The following OSBPL1A variants were observed in gnomAD, a reference collection of about 807,000 sequenced individuals.
The protein encoded by OSBPL1A is oxysterol binding protein like 1A.
Under a neutral mutation model 137.1 loss-of-function variants are expected in OSBPL1A, and 80 were observed. The observed-to-expected ratio is 0.58, with a 90% CI of 0.49 to 0.70. OSBPL1A has a LOEUF of 0.70. Ranked by LOEUF, OSBPL1A falls within the 30% of genes least tolerant of loss-of-function variation. The pLI is 0.00. For synonymous variants in OSBPL1A, 365 were observed against 389.7 expected (o/e 0.94, Z 0.75); for missense variants, 970 against 1,129.4 (o/e 0.86, Z 2.02).
intron 14 of OSBPL1A, 77 bp downstream of exon 14, chr18:24,303,560 T>C: frequency 8.5e-7 from 1 of 1,173,504 alleles, no homozygotes; most frequent in Non-Finnish European, 1.2e-6. Flanking sequence ...TGTTTAAAAA[T>C]GAAGTCAAAC....
In OSBPL1A at chr18:24,172,369, G is replaced by A. The variant is rs1348247364; in HGVS notation, c.2201+7C>T. 1.9e-6 allele frequency: 3 copies of A among 1,594,496 alleles called. 1 individual carries two copies. Among genetic ancestry groups the A allele is most frequent in the East Asian group, 4.5e-5 (2 of 44,786 alleles). On this transcript the variant is annotated splice_region_variant and intron_variant, in intron 22 of 27. Coordinates refer to ENST00000319481, the MANE Select transcript of OSBPL1A (RefSeq NM_080597.4). ...AAGGAATGGACGAAGTACCCAAGGT[G>A]CCTTACTTGTGGTTTATAATTTCCA...
intron 17 of OSBPL1A, 77 bp from the exon 18 acceptor site, chr18:24,196,277 A>C (rs922392267): frequency 2.0e-6 from 2 of 982,212 alleles, no homozygotes; most frequent in African/African-American, 1.6e-5. Flanking sequence ...TTTCATTCAC[A>C]TGAGAGCTGC....
intron 7 of OSBPL1A, among the ~76,000 whole-genome samples, chr18:24,322,106 C>CTTTTTTTTT (rs71266986): frequency 8.1e-6 from 1 of 122,796 alleles, no homozygotes. Flanking sequence ...AAATATGTGA[C>CTTTTTTTTT]TTTTTTTTTT....
intron 1 of OSBPL1A, among the ~76,000 whole-genome samples, chr18:24,380,371 A>T (rs188451361): frequency 3.4e-4 from 51 of 152,230 alleles, no homozygotes; most frequent in African/African-American, 1.2e-3. Context: ...GGCCTGGCCT[A>T]GCTCTTATCC....
At chr18:24,252,420 A>G (rs1286814296) in intron 15 of OSBPL1A, among the ~76,000 whole-genome samples, 1 of 152,162 alleles carries the variant, frequency 6.6e-6, no homozygotes, top group East Asian at 1.9e-4. Flanking sequence ...GTGGTGTGAT[A>G]TATTTAAAGT....
At chr18:24,227,717 C>T (rs1284656389) in intron 16 of OSBPL1A, among the ~76,000 whole-genome samples, 1 of 151,932 alleles carries the variant, frequency 6.6e-6, no homozygotes, top group Non-Finnish European at 1.5e-5. Flanking sequence ...ACAAGACCTG[C>T]ATCAGGGATG....
intron 15 of OSBPL1A, among the ~76,000 whole-genome samples, chr18:24,252,797 G>T (rs1176931524): frequency 6.6e-6 from 1 of 152,020 alleles, no homozygotes; most frequent in Non-Finnish European, 1.5e-5. Context: ...GACATAAAAA[G>T]GAACAAAAGA....
intron 17 of OSBPL1A, among the ~76,000 whole-genome samples, chr18:24,201,624 G>A (rs1036117471): frequency 5.9e-5 from 9 of 151,992 alleles, no homozygotes; most frequent in Admixed American, 3.9e-4. Flanking sequence ...TTAGCTGAGC[G>A]TGGTGGCACA....
chr18:24,190,895 C>G (rs193001140), intron 18 of OSBPL1A, among the ~76,000 whole-genome samples: 1 of 152,090 alleles, frequency 6.6e-6, no homozygotes, highest in African/African-American at 2.4e-5. Context: ...GAGGTCTGGC[C>G]CTATGGCTAT....
chr18:24,239,517 G>A (rs2146008861), intron 15 of OSBPL1A, 135 bp from the exon 16 acceptor site: 1 of 834,766 alleles, frequency 1.2e-6, no homozygotes, highest in Non-Finnish European at 1.8e-6. Context: ...TGTCACATGT[G>A]CATGGATGAA....
chr18:24,311,303 C>A (rs1012453596), intron 13 of OSBPL1A, among the ~76,000 whole-genome samples: 4 of 152,068 alleles, frequency 2.6e-5, no homozygotes, highest in African/African-American at 9.7e-5. Context: ...ATTCATATAT[C>A]CTGACGTAAT....
At chr18:24,353,164 T>C (rs2091472996) in intron 4 of OSBPL1A, among the ~76,000 whole-genome samples, 1 of 152,064 alleles carries the variant, frequency 6.6e-6, no homozygotes, top group Non-Finnish European at 1.5e-5. Context: ...TTGCAACCTA[T>C]TCGTCTGTCA....
intron 7 of OSBPL1A, among the ~76,000 whole-genome samples, chr18:24,322,294 T>C (rs1171775776): frequency 6.6e-6 from 1 of 151,268 alleles, no homozygotes; most frequent in Non-Finnish European, 1.5e-5. Flanking sequence ...TATTTGTTTT[T>C]TTTTTTTTAG....
In OSBPL1A at chr18:24,350,986, C is replaced by T. The variant is rs529503824; in HGVS notation, c.283-9328G>A. On this transcript the variant is annotated intron_variant, in intron 4 of 27. Coordinates refer to ENST00000319481, the MANE Select transcript of OSBPL1A (RefSeq NM_080597.4). The stretch of plus-strand genomic sequence containing the variant: ...AAGAGAATTCCCAGAATGACTAAGA[C>T]ATAAGCTCCAGAATGACCACCATGT... Among the ~76,000 whole-genome samples the T allele has an allele frequency of 2.2e-4, 34 of 152,182 alleles. No homozygotes were observed. In the South Asian group the frequency reaches 3.3e-3, roughly 15 times the overall value.
intron 7 of OSBPL1A, among the ~76,000 whole-genome samples, chr18:24,320,733 A>T (rs1272359774): frequency 6.6e-6 from 1 of 152,160 alleles, no homozygotes; most frequent in East Asian, 1.9e-4. Context: ...AAGTGTTAAA[A>T]AATTATAATA....
At chr18:24,264,254 GA>G (rs371588904) in intron 15 of OSBPL1A, among the ~76,000 whole-genome samples, 20 of 147,210 alleles carry the variant, frequency 1.4e-4, no homozygotes, top group Middle Eastern at 3.5e-3. Context: ...TGTCCACCAG[GA>G]AAAAAAAAAC....
At chr18:24,313,202 G>A (rs2090656634) in intron 12 of OSBPL1A, among the ~76,000 whole-genome samples, 1 of 151,908 alleles carries the variant, frequency 6.6e-6, no homozygotes, top group African/African-American at 2.4e-5. Flanking sequence ...CAACACTTTG[G>A]GAGGCTGAGG....
intron 4 of OSBPL1A, among the ~76,000 whole-genome samples, chr18:24,364,467 T>C (rs1027517262): frequency 4.6e-5 from 7 of 152,286 alleles, no homozygotes; most frequent in African/African-American, 1.4e-4. Flanking sequence ...TAAAATACTA[T>C]GCTGAAAGCC....
chr18:24,321,295 T>G (rs2090850523), intron 7 of OSBPL1A, among the ~76,000 whole-genome samples: 1 of 152,148 alleles, frequency 6.6e-6, no homozygotes, highest in Admixed American at 6.6e-5. Flanking sequence ...TCCTTATTTT[T>G]TACTAATATA....
Sources: gnomAD v4.1 joint callset for allele counts (sites outside exome capture counted in the v4.1 genomes callset) on GRCh38, gnomAD v4.1.1 for gene constraint, MANE v1.5 for transcripts, NCBI Gene and HGNC (gene_info 2026-07-23, HGNC 2026-07-21) for gene names.